The following WDR73 variants were observed in gnomAD, a reference collection of about 807,000 sequenced individuals.
WDR73 encodes integrator complex assembly factor WDR73.
Under a neutral mutation model 38.2 loss-of-function variants are expected in WDR73, and 30 were observed. The observed-to-expected ratio is 0.79, with a 90% CI of 0.59 to 1.06. The LOEUF (loss-of-function observed/expected upper bound fraction) is 1.06. WDR73 is among the 50% of genes least tolerant of loss of function. The pLI, the probability that WDR73 is intolerant of heterozygous loss-of-function variation, is 0.00. For synonymous variants in WDR73, 197 were observed against 176.0 expected, an observed-to-expected ratio of 1.12 and a Z score of -0.94; for missense variants, 487 against 467.0, an observed-to-expected ratio of 1.04 and a Z score of -0.40.
rs1896422607 is a variant in WDR73, at chr15:84,645,582, G to C, written c.772C>G (p.Leu258Val). 6.2e-7 allele frequency: 1 copy of C among 1,611,284 alleles called. No homozygotes were observed. The highest frequency in any genetic ancestry group is 1.7e-5 in the Admixed American group (1 of 59,420). ...GRLCLLDPRDLCHPVSSVQCP... is the reference protein window; with the variant it reads ...GRLCLLDPRDVCHPVSSVQCP... ...TGGACTGAGCTCACAGGATGGCAGAGATCCCGGGGGTCAAGAAGACAAAGA... is the reference window on the plus strand; with the variant it reads ...TGGACTGAGCTCACAGGATGGCAGACATCCCGGGGGTCAAGAAGACAAAGA... The change falls in exon 7 of 8, where the codon CTC becomes GTC. Residue 258 changes from leucine (L) to valine (V), a missense_variant. Coordinates refer to ENST00000434634, the MANE Select transcript of WDR73 (RefSeq NM_032856.5).
At position 84,643,605 on chromosome 15, in the gene WDR73, A is replaced by G. The variant is rs548886624; in HGVS notation, c.1002T>C (p.Asp334=). Residue 334 remains aspartate (D), a synonymous_variant, in exon 8 of 8, where the codon GAT becomes GAC. Transcript: ENST00000434634. ...LFTHRGHIFL[D]GNGMDPAPLV... is the part of the protein sequence containing the mutation. ...AAGGAGCAGGGTCCATCCCATTTCC[A>G]TCTAGGAAGATGTGACCTCTGTGAG... 110 of 1,612,930 alleles carry G rather than the reference A, an allele frequency of 6.8e-5. No homozygotes were observed. The highest frequency in any genetic ancestry group is 8.9e-5 in the Non-Finnish European group (105 of 1,179,480).
At chr15:84,651,809 T>C (rs1896632625) in intron 3 of WDR73, among the ~76,000 whole-genome samples, 1 of 152,214 alleles carries the variant, frequency 6.6e-6, no homozygotes, top group African/African-American at 2.4e-5. Context: ...AAAAATCCTG[T>C]AGCAGAGGTC....
chr15:84,647,746 C>T, intron 5 of WDR73, 144 bp downstream of exon 5: 1 of 763,096 alleles, frequency 1.3e-6, no homozygotes, highest in Non-Finnish European at 2.3e-6. Context: ...ATCCACCCAG[C>T]TCAGCCTCCC....
In WDR73 at chr15:84,645,707, C is replaced by T. The variant is rs569814307; in HGVS notation, c.647G>A (p.Ser216Asn). ...RQKWAPLENRSPGPGSGGERW... is the reference protein window; with the variant it reads ...RQKWAPLENRNPGPGSGGERW... ...CTCTCCACCAGACCCAGGGCCAGGG[C>T]TGCGATTCTCCAACGGTGCCCACTT... The change falls in exon 7 of 8, where the codon AGC becomes AAC. Residue 216 changes from serine (S) to asparagine (N), a missense_variant. Ser to Asn is a conservative substitution (Grantham distance 46). Transcript: ENST00000434634. 5 of 1,609,710 alleles carry T rather than the reference C, an allele frequency of 3.1e-6. No individual in the cohort carries two copies. In the South Asian group the frequency reaches 5.5e-5, roughly 18 times the overall value.
In WDR73 at chr15:84,654,267, G is replaced by A. The variant is rs368919799; in HGVS notation, c.8C>T (p.Pro3Leu). 55 of 1,613,848 alleles carry A rather than the reference G, an allele frequency of 3.4e-5. No homozygotes were observed. The highest frequency in any genetic ancestry group is 1.7e-4 in the Admixed American group (10 of 60,008). The change falls in exon 1 of 8, where the codon CCT becomes CTT. Residue 3 changes from proline (P) to leucine (L), a missense_variant. Transcript: ENST00000434634. ...GGATTCCACCAGCCAGTCGTCCCCAGGATCCATGGCAACGACCGCTTCCGG... is the reference window on the plus strand; with the variant it reads ...GGATTCCACCAGCCAGTCGTCCCCAAGATCCATGGCAACGACCGCTTCCGG... MD[P>L]GDDWLVESLR...
chr15:84,645,847 G>A lies in WDR73; in HGVS notation c.518-11C>T, dbSNP rs775647189. ...CACTGTCACTGACATCTGGAAGACC[G>A]ACAGCAAAGGAGACAAGCGGCTGGA... On this transcript the variant is annotated splice_polypyrimidine_tract_variant and intron_variant, in intron 6 of 7. Coordinates refer to ENST00000434634, the MANE Select transcript of WDR73 (RefSeq NM_032856.5). 39 of 1,613,386 alleles carry A rather than the reference G, an allele frequency of 2.4e-5. No homozygotes were observed. The South Asian group carries it at 2.7e-4, about 11-fold the overall frequency.
In WDR73 at chr15:84,648,608, T is replaced by C. The variant is rs767068971; in HGVS notation, c.216A>G (p.Arg72=). 1.2e-5 allele frequency: 19 copies of C among 1,613,696 alleles called. No individual in the cohort carries two copies. The highest frequency in any genetic ancestry group is 1.4e-5 in the Non-Finnish European group (16 of 1,179,720). The change falls in exon 4 of 8, where the codon AGA becomes AGG. Residue 72 remains arginine, a synonymous_variant. Coordinates refer to ENST00000434634, the MANE Select transcript of WDR73 (RefSeq NM_032856.5). Reference sequence around the variant, plus strand: ...ATCCTCCATGGCGCACTTTGAAATCTCTTTCTGGGAATAAGCCCTAAAATA... The same window carrying C: ...ATCCTCCATGGCGCACTTTGAAATCCCTTTCTGGGAATAAGCCCTAAAATA... ...VKENKGLFPE[R]DFKVRHGGFS...
At chr15:84,648,282 G>A (rs963909522) in intron 4 of WDR73, 4 of 583,248 alleles carry the variant, frequency 6.9e-6, no homozygotes, top group South Asian at 6.5e-5. Context: ...TTTCTGTCCC[G>A]TATCTATTCC....
At chr15:84,647,199 T>C (rs1193858569) in intron 5 of WDR73, 1 of 152,256 alleles carries the variant, frequency 6.6e-6, no homozygotes, top group African/African-American at 2.4e-5. Flanking sequence ...AGCCAAGTTT[T>C]AGTTTTTATT....
In WDR73 at chr15:84,648,334, G is replaced by A. The variant is rs1194826042; in HGVS notation, c.287+203C>T. Reference sequence around the variant, plus strand: ...AGAACTGTTACTTACATTAGTCCAAGGGCTCTGGGGGGCTATGAAGCCACA... The same window carrying A: ...AGAACTGTTACTTACATTAGTCCAAAGGCTCTGGGGGGCTATGAAGCCACA... On this transcript the variant is annotated intron_variant, in intron 4 of 7. Coordinates refer to ENST00000434634, the MANE Select transcript of WDR73 (RefSeq NM_032856.5). The A allele has an allele frequency of 8.5e-6, 5 of 589,466 alleles. No homozygotes were observed. In the East Asian group the frequency reaches 1.4e-4, roughly 16 times the overall value. 36.5% of individuals were successfully genotyped at this position (589,466 alleles called of 1,614,324 possible). A position where few individuals can be genotyped will look rare whatever the true frequency, so the allele number is the denominator to read the frequency against.
intron 7 of WDR73, chr15:84,644,031 G>A (rs1375735705): frequency 3.0e-5 from 9 of 297,886 alleles, no homozygotes; most frequent in African/African-American, 8.9e-5. Flanking sequence ...TGATGACTCC[G>A]TGGGGCATGT....
At chr15:84,652,856 A>G in intron 2 of WDR73, 54 bp from the exon 3 acceptor site, 1 of 1,082,494 alleles carries the variant, frequency 9.2e-7, no homozygotes, top group Non-Finnish European at 1.3e-6. Flanking sequence ...ATTGCAGACC[A>G]TGCAATCCCC....
At chr15:84,646,679 A>C (rs532620620) in intron 5 of WDR73, 2 of 238,026 alleles carry the variant, frequency 8.4e-6, no homozygotes, top group African/African-American at 2.3e-5. Flanking sequence ...CATGCTGCTG[A>C]TGTCACTTAC....
At chr15:84,645,082 C>G (rs1391946531) in intron 7 of WDR73, 6 of 548,936 alleles carry the variant, frequency 1.1e-5, no homozygotes, top group Non-Finnish European at 1.5e-5. Flanking sequence ...TCCTAAGTAG[C>G]TGGGACTACA....
In WDR73 at chr15:84,643,474, C is replaced by G; in HGVS notation, c.1133G>C (p.Arg378Pro). ...CTAGATGGAAAGATGCTGGTGTCAG[C>G]GGGGGGCACAAAGGTCCACCCAGTC... ...VWDWVDLCAP[R>P] The change falls in exon 8 of 8, where the codon CGC (arginine) becomes CCC (proline). Residue 378 changes from arginine (R) to proline (P), a missense_variant. Coordinates refer to ENST00000434634, the MANE Select transcript of WDR73 (RefSeq NM_032856.5). 1 of 1,553,860 alleles carries G rather than the reference C, an allele frequency of 6.4e-7. No homozygotes were observed. Among genetic ancestry groups the G allele is most frequent in the Non-Finnish European group, 8.7e-7 (1 of 1,148,448 alleles).
In WDR73 at chr15:84,650,434, C is replaced by T. The variant is rs309429; in HGVS notation, c.199-1809G>A. On this transcript the variant is annotated intron_variant, in intron 3 of 7. Transcript: ENST00000434634. Reference sequence around the variant, plus strand: ...TGGATGCAGTGGCTTGATGTTGGCTCACTGCAAGCTCCACCTCCCAGGTTC... The same window carrying T: ...TGGATGCAGTGGCTTGATGTTGGCTTACTGCAAGCTCCACCTCCCAGGTTC... Among the ~76,000 whole-genome samples the T allele has an allele frequency of 2.4e-3, 358 of 152,232 alleles. 1 individual carries two copies. Among genetic ancestry groups the T allele is most frequent in the Non-Finnish European group, 3.6e-3 (244 of 68,026 alleles).
At chr15:84,653,610 C>T (rs966192121) in intron 2 of WDR73, 22 bp downstream of exon 2, 12 of 1,565,470 alleles carry the variant, frequency 7.7e-6, no homozygotes, top group Non-Finnish European at 1.7e-6. Context: ...CCCTCTCCTT[C>T]AGGGCTAGAA....
At chr15:84,646,001 G>T in intron 6 of WDR73, 165 bp from the exon 7 acceptor site, 4 of 1,542,388 alleles carry the variant, frequency 2.6e-6, no homozygotes, top group East Asian at 2.4e-5. Context: ...TTGGGTGCTG[G>T]TCCCTGGGAC....
chr15:84,640,767 T>TATAC lies in WDR73; in HGVS notation c.*2699_*2702dup, dbSNP rs1355092263. ...CCATAGATGTGAACCCTGCGTAGAT[T>TATAC]ATACACACCAGTCTGCCATTTAAAA... On this transcript the variant is annotated 3_prime_UTR_variant, in exon 8 of 8. Coordinates refer to ENST00000434634, the MANE Select transcript of WDR73 (RefSeq NM_032856.5). 1 of 152,172 alleles carries TATAC rather than the reference T, an allele frequency of 6.6e-6. No individual in the cohort carries two copies. The highest frequency in any genetic ancestry group is 1.5e-5 in the Non-Finnish European group (1 of 68,036). The allele number at this position is 152,172 out of a possible 1,614,324, so 9.4% of individuals were successfully genotyped here.
Sources: allele counts gnomAD v4.1 joint callset (sites outside exome capture counted in the v4.1 genomes callset), GRCh38; gene constraint gnomAD v4.1.1; transcripts MANE v1.5; gene names NCBI Gene and HGNC (gene_info 2026-07-23, HGNC 2026-07-21).